GRK3: variants seen among roughly 807,000 people sequenced by gnomAD.
The protein encoded by GRK3 is G protein-coupled receptor kinase 3, also known as adrenergic, beta, receptor kinase 2.
In GRK3, 54 loss-of-function variants were observed where a neutral mutation model predicts 95.7. The ratio of observed to expected loss-of-function variants is 0.56; its 90% CI spans 0.45 to 0.71. The LOEUF (loss-of-function observed/expected upper bound fraction) is 0.71, where lower values mean the gene tolerates loss of function less well. Ranked by LOEUF, GRK3 falls within the 30% of genes least tolerant of loss-of-function variation. The pLI is 0.00. For synonymous variants in GRK3, 281 were observed against 290.8 expected, an observed-to-expected ratio of 0.97 and a Z score of 0.34; for missense variants, 649 against 851.2, an observed-to-expected ratio of 0.76 and a Z score of 2.96.
intron 12 of GRK3, among the ~76,000 whole-genome samples, chr22:25,693,468 G>T (rs1197936435): frequency 6.6e-6 from 1 of 152,188 alleles, no homozygotes; most frequent in Non-Finnish European, 1.5e-5. Flanking sequence ...GGACTTTCCA[G>T]GCAACCCTGA....
intron 3 of GRK3, chr22:25,648,559 A>G: frequency 7.0e-7 from 1 of 1,422,490 alleles, no homozygotes; most frequent in East Asian, 2.3e-5. Context: ...GCTTTTCTTC[A>G]AGAAGCTCAG....
intron 1 of GRK3, among the ~76,000 whole-genome samples, chr22:25,581,785 G>A (rs539550676): frequency 1.3e-4 from 20 of 151,714 alleles, no homozygotes; most frequent in African/African-American, 3.9e-4. Flanking sequence ...ATTAAATCAC[G>A]GCTCTGATGT....
chr22:25,607,264 A>G (rs1437150535), intron 2 of GRK3, among the ~76,000 whole-genome samples: 1 of 152,164 alleles, frequency 6.6e-6, no homozygotes, highest in Non-Finnish European at 1.5e-5. Context: ...ATACAGCCGC[A>G]GTACCTTTAT....
At chr22:25,694,807 C>T (rs1366131316) in intron 12 of GRK3, among the ~76,000 whole-genome samples, 2 of 152,206 alleles carry the variant, frequency 1.3e-5, no homozygotes, top group African/African-American at 2.4e-5. Context: ...GCTCCTGAAA[C>T]GGCAGGAGAA....
At chr22:25,588,629 T>C (rs1932395081) in intron 1 of GRK3, among the ~76,000 whole-genome samples, 2 of 152,158 alleles carry the variant, frequency 1.3e-5, no homozygotes, top group Non-Finnish European at 2.9e-5. Flanking sequence ...GGAAAATACT[T>C]AGTAACTACA....
At chr22:25,704,354 T>C (rs2085283189) in intron 15 of GRK3, 145 bp downstream of exon 15, 2 of 615,724 alleles carry the variant, frequency 3.2e-6, no homozygotes, top group Admixed American at 6.2e-5. Flanking sequence ...ATGGGAAATA[T>C]ACAAATATTG....
Position 25,713,353 on chromosome 22 carries a change from GA to G in GRK3, c.1492-1050del, listed in dbSNP as rs541231515. 1.4e-3 allele frequency among the ~76,000 whole-genome samples: 218 copies of G among 152,256 alleles called. 1 individual carries two copies. Among genetic ancestry groups the G allele is most frequent in the African/African-American group, 4.9e-3 (205 of 41,546 alleles). On this transcript the variant is annotated intron_variant, in intron 17 of 20. Coordinates refer to ENST00000324198, the MANE Select transcript of GRK3 (RefSeq NM_005160.4). ...GAATGTCTGAAGAAAACAGAAAGAG[GA>G]AAAACTCTACAGGTCAAAGCGACCT... is the stretch of plus-strand genomic sequence containing the variant.
chr22:25,646,117 A>G (rs1248328957), intron 3 of GRK3, among the ~76,000 whole-genome samples: 1 of 152,136 alleles, frequency 6.6e-6, no homozygotes, highest in Non-Finnish European at 1.5e-5. Flanking sequence ...TTTAGCATGC[A>G]GTAAAGAATT....
Position 25,565,001 on chromosome 22 carries a change from T to C in GRK3, c.-40T>C, listed in dbSNP as rs900224452. On this transcript the variant is annotated 5_prime_UTR_variant, in exon 1 of 21. Transcript: ENST00000324198. ...GCGGCGGGCGCGCGTCCCGTCCAGG[T>C]CCGGAGTAACCGCCGCCGCCGCCGC... 1.2e-5 allele frequency: 11 copies of C among 888,212 alleles called. No homozygotes were observed. The highest frequency in any genetic ancestry group is 1.7e-5 in the Non-Finnish European group (11 of 633,326). 55.0% of individuals were successfully genotyped at this position (888,212 alleles called of 1,614,324 possible).
At chr22:25,586,433 C>T (rs1456849393) in intron 1 of GRK3, among the ~76,000 whole-genome samples, 1 of 152,290 alleles carries the variant, frequency 6.6e-6, no homozygotes, top group African/African-American at 2.4e-5. Context: ...TCATGATGTG[C>T]TTATTTCACA....
intron 1 of GRK3, among the ~76,000 whole-genome samples, chr22:25,588,801 G>A (rs1373213650): frequency 1.3e-5 from 2 of 149,406 alleles, no homozygotes; most frequent in African/African-American, 4.9e-5. Context: ...TTGAGACAAG[G>A]TTTGTCGCCC....
At chr22:25,614,099 A>G (rs757857498) in intron 2 of GRK3, among the ~76,000 whole-genome samples, 1 of 152,050 alleles carries the variant, frequency 6.6e-6, no homozygotes, top group Non-Finnish European at 1.5e-5. Context: ...CTGATTTGCC[A>G]GCTAGCAAAT....
chr22:25,680,758 ATAAT>A (rs2085067662), intron 9 of GRK3, among the ~76,000 whole-genome samples: 1 of 152,222 alleles, frequency 6.6e-6, no homozygotes, highest in Non-Finnish European at 1.5e-5. Flanking sequence ...TTTAACAAAA[ATAAT>A]TATAGTAAAG....
intron 18 of GRK3, among the ~76,000 whole-genome samples, chr22:25,717,670 C>T (rs1050528535): frequency 2.0e-5 from 3 of 152,112 alleles, no homozygotes; most frequent in Non-Finnish European, 4.4e-5. Flanking sequence ...CACAGTCCTT[C>T]ACTGTAAAAA....
At chr22:25,620,190 G>A (rs2084573774) in intron 2 of GRK3, among the ~76,000 whole-genome samples, 1 of 152,134 alleles carries the variant, frequency 6.6e-6, no homozygotes, top group Non-Finnish European at 1.5e-5. Flanking sequence ...CCAGCCAGGT[G>A]TATATATAGA....
intron 12 of GRK3, among the ~76,000 whole-genome samples, chr22:25,693,052 A>G (rs990242805): frequency 6.6e-6 from 1 of 152,228 alleles, no homozygotes; most frequent in African/African-American, 2.4e-5. Flanking sequence ...AATTATTGTA[A>G]ACTAGAAGTT....
At chr22:25,618,476 A>C (rs1158994110) in intron 2 of GRK3, among the ~76,000 whole-genome samples, 1 of 152,150 alleles carries the variant, frequency 6.6e-6, no homozygotes, top group Non-Finnish European at 1.5e-5. Context: ...TCTCTATTTA[A>C]AGTGTGTTTG....
In GRK3 at chr22:25,678,833, T is replaced by G; in HGVS notation, c.665T>G (p.Leu222Ter). Residue 222 changes from leucine to a stop codon, truncating the protein, a stop_gained, in exon 9 of 21, where the codon TTA (leucine) becomes TGA (stop). Transcript: ENST00000324198. LOFTEE classifies it high-confidence loss of function. The part of the protein sequence containing the change: ...DTGKMYAMKC[L>*]DKKRIKMKQG... ...GTTTCTAGGTATGCAATGAAATGCT[T>G]AGATAAGAAGAGGATCAAAATGAAA... 1 of 1,596,946 alleles carries G rather than the reference T, an allele frequency of 6.3e-7. No individual in the cohort carries two copies. Among genetic ancestry groups the G allele is most frequent in the Non-Finnish European group, 8.6e-7 (1 of 1,168,918 alleles).
chr22:25,626,840 CCCATACCA>C (rs2084632043), intron 2 of GRK3, among the ~76,000 whole-genome samples: 1 of 152,208 alleles, frequency 6.6e-6, no homozygotes, highest in East Asian at 1.9e-4. Flanking sequence ...GGCAGTGGCA[CCCATACCA>C]CCTGGTGTTC....
Sources: gnomAD v4.1 joint callset for allele counts (sites outside exome capture counted in the v4.1 genomes callset) on GRCh38, gnomAD v4.1.1 for gene constraint, MANE v1.5 for transcripts, NCBI Gene and HGNC (gene_info 2026-07-23, HGNC 2026-07-21) for gene names.